Variants in PCMT1 observed in about 807,000 individuals in gnomAD.
The protein encoded by PCMT1 is protein-L-isoaspartate (D-aspartate) O-methyltransferase.
A neutral mutation model predicts 29.2 loss-of-function variants in PCMT1; 9 were observed. The observed-to-expected ratio is 0.31, with a 90% confidence interval of 0.19 to 0.54. The LOEUF is 0.54. Ranked by LOEUF, PCMT1 falls within the 20% of genes least tolerant of loss-of-function variation. The pLI is 0.95. For missense variants in PCMT1, 184 were observed against 282.2 expected (o/e 0.65, Z 2.49); for synonymous variants, 98 against 97.5 (o/e 1.00, Z -0.03).
chr6:149,757,458 CTA>C (rs533069765), intron 1 of PCMT1, among the ~76,000 whole-genome samples: 3 of 152,048 alleles, frequency 2.0e-5, no homozygotes, highest in Non-Finnish European at 2.9e-5. Context: ...CAGTGTAAAA[CTA>C]AAGATTATTG....
chr6:149,793,522 G>GCT (rs1469703263), intron 4 of PCMT1, 27 bp from the exon 5 acceptor site: 2 of 1,426,178 alleles, frequency 1.4e-6, no homozygotes, highest in Non-Finnish European at 1.8e-6. Context: ...AGCCCAATGA[G>GCT]CTACTGAATT....
chr6:149,800,853 A>G (rs183905498), intron 6 of PCMT1, among the ~76,000 whole-genome samples: 1 of 152,300 alleles, frequency 6.6e-6, no homozygotes, highest in East Asian at 1.9e-4. Context: ...AAGATTCAAA[A>G]CAGGCACACA....
intron 4 of PCMT1, among the ~76,000 whole-genome samples, chr6:149,792,845 A>G (rs1308447995): frequency 6.6e-6 from 1 of 152,126 alleles, no homozygotes. Context: ...AAGCAGTAGA[A>G]ACAAGTGTAG....
chr6:149,749,810 C>T lies in PCMT1; in HGVS notation c.-92C>T, dbSNP rs533662542. On this transcript the variant is annotated 5_prime_UTR_variant, in exon 1 of 8. It adds an upstream start codon to the 5' untranslated region. Coordinates refer to ENST00000464889, the MANE Select transcript of PCMT1 (RefSeq NM_001360452.2). ...AGCGGGGACGCGAGCGGGGCGGTGA[C>T]GGTGTGGGAGGTGGTCTCACTCTTG... 1 of 1,554,006 alleles carries T rather than the reference C, an allele frequency of 6.4e-7. No homozygotes were observed.
At chr6:149,804,907 C>T (rs1014496726) in intron 7 of PCMT1, among the ~76,000 whole-genome samples, 3 of 152,038 alleles carry the variant, frequency 2.0e-5, no homozygotes, top group Middle Eastern at 3.2e-3. Flanking sequence ...CCCACAAAAC[C>T]TGAATCCACC....
intron 1 of PCMT1, among the ~76,000 whole-genome samples, chr6:149,766,745 T>C (rs995643970): frequency 6.6e-5 from 10 of 152,226 alleles, no homozygotes; most frequent in African/African-American, 2.4e-4. Context: ...AATGTTTCTT[T>C]CACCCAAAAA....
chr6:149,794,436 G>A (rs1294941688), intron 5 of PCMT1, among the ~76,000 whole-genome samples: 4 of 152,086 alleles, frequency 2.6e-5, no homozygotes, highest in Non-Finnish European at 4.4e-5. Flanking sequence ...TGACCAACAT[G>A]GTGAAACTCC....
At chr6:149,802,501 A>G (rs1274829576) in intron 7 of PCMT1, 85 bp downstream of exon 7, 3 of 1,312,534 alleles carry the variant, frequency 2.3e-6, no homozygotes, top group Non-Finnish European at 2.9e-6. Flanking sequence ...TAACGTCAGA[A>G]ATTCATTACA....
intron 1 of PCMT1, among the ~76,000 whole-genome samples, chr6:149,752,322 C>A (rs1052750525): frequency 6.6e-6 from 1 of 151,914 alleles, no homozygotes; most frequent in Non-Finnish European, 1.5e-5. Context: ...CTCAGCCTCC[C>A]GAGTAGCTGG....
At chr6:149,752,862 C>G (rs1390539636) in intron 1 of PCMT1, among the ~76,000 whole-genome samples, 1 of 152,064 alleles carries the variant, frequency 6.6e-6, no homozygotes, top group East Asian at 1.9e-4. Context: ...GATCTTTTCC[C>G]GGTGGTTTCA....
intron 1 of PCMT1, among the ~76,000 whole-genome samples, chr6:149,758,204 C>CTTTTTTTTTTTTTTTTTT (rs1583003709): frequency 2.9e-5 from 2 of 68,196 alleles, no homozygotes; most frequent in African/African-American, 6.4e-5. Flanking sequence ...TTCTTTCTTT[C>CTTTTTTTTTTTTTTTTTT]TTTCTTTTTT....
chr6:149,800,232 G>A (rs1056028266), intron 6 of PCMT1, among the ~76,000 whole-genome samples: 3 of 152,084 alleles, frequency 2.0e-5, no homozygotes, highest in Admixed American at 1.3e-4. Context: ...TTAAGAGGCC[G>A]AGGAGAGCGG....
Position 149,789,916 on chromosome 6 carries a change from A to T in PCMT1, c.193-38A>T. On this transcript the variant is annotated intron_variant, in intron 3 of 7. Coordinates refer to ENST00000464889, the MANE Select transcript of PCMT1 (RefSeq NM_001360452.2). ...TTTATTTATATACCATGATGTGTGT[A>T]CTTTAGTCTTAATGAATATTTTGTT... 7.3e-7 allele frequency: 1 copy of T among 1,363,340 alleles called. No homozygotes were observed. The highest frequency in any genetic ancestry group is 1.0e-6 in the Non-Finnish European group (1 of 976,030). The allele number at this position is 1,363,340 out of a possible 1,614,324, so 84.5% of individuals were successfully genotyped here.
intron 1 of PCMT1, among the ~76,000 whole-genome samples, chr6:149,765,295 G>T (rs994646017): frequency 1.4e-5 from 2 of 144,872 alleles, no homozygotes; most frequent in African/African-American, 5.3e-5. Flanking sequence ...GGGAGGTGGA[G>T]CTTGCAGTGA....
At chr6:149,787,369 A>ATT (rs1189480544) in intron 3 of PCMT1, among the ~76,000 whole-genome samples, 14 of 140,814 alleles carry the variant, frequency 9.9e-5, no homozygotes, top group Admixed American at 2.1e-4. Flanking sequence ...AATAGTTATA[A>ATT]TTTTTTTTTT....
intron 1 of PCMT1, among the ~76,000 whole-genome samples, chr6:149,755,557 A>G (rs1786473327): frequency 6.6e-6 from 1 of 152,236 alleles, no homozygotes; most frequent in African/African-American, 2.4e-5. Context: ...CTGACCACTG[A>G]AAGCAATTGT....
chr6:149,789,937 T>C lies in PCMT1; in HGVS notation c.193-17T>C. The C allele has an allele frequency of 6.5e-7, 1 of 1,542,582 alleles. No individual in the cohort carries two copies. Among genetic ancestry groups the C allele is most frequent in the Non-Finnish European group, 8.8e-7 (1 of 1,133,482 alleles). On this transcript the variant is annotated splice_polypyrimidine_tract_variant and intron_variant, in intron 3 of 7. Coordinates refer to ENST00000464889, the MANE Select transcript of PCMT1 (RefSeq NM_001360452.2). ...GTGTACTTTAGTCTTAATGAATATTTTGTTTTCTTTTGGCAGCATGCATAT... is the reference window on the plus strand; with the variant it reads ...GTGTACTTTAGTCTTAATGAATATTCTGTTTTCTTTTGGCAGCATGCATAT...
intron 7 of PCMT1, 38 bp from the exon 8 acceptor site, chr6:149,810,578 A>G: frequency 6.6e-7 from 1 of 1,521,512 alleles, no homozygotes; most frequent in Non-Finnish European, 8.9e-7. Flanking sequence ...GGTAGTGTGT[A>G]ACTCCTACTA....
intron 3 of PCMT1, among the ~76,000 whole-genome samples, chr6:149,774,935 G>C (rs928484243): frequency 2.0e-5 from 3 of 150,730 alleles, no homozygotes; most frequent in South Asian, 2.1e-4. Flanking sequence ...TCTCGATCTC[G>C]TGACCTTGTG....
Sources: allele counts gnomAD v4.1 joint callset (sites outside exome capture counted in the v4.1 genomes callset), GRCh38; gene constraint gnomAD v4.1.1; transcripts MANE v1.5; gene names NCBI Gene and HGNC (gene_info 2026-07-23, HGNC 2026-07-21).